SLC35F3: variants seen among roughly 807,000 people sequenced by gnomAD.
SLC35F3 encodes the protein solute carrier family 35 member F3.
Under a neutral mutation model 49.9 loss-of-function variants are expected in SLC35F3, and 25 were observed. The observed-to-expected ratio is 0.50, with a 90% CI of 0.37 to 0.70. SLC35F3 has a LOEUF of 0.70. Ranked by LOEUF, SLC35F3 falls within the 30% of genes least tolerant of loss-of-function variation. SLC35F3 has a pLI of 0.00. For synonymous variants in SLC35F3, 275 were observed against 265.4 expected, an observed-to-expected ratio of 1.04 and a Z score of -0.35; for missense variants, 525 against 639.8, an observed-to-expected ratio of 0.82 and a Z score of 1.94.
intron 2 of SLC35F3, among the ~76,000 whole-genome samples, chr1:234,203,031 AC>A (rs1396225685): frequency 1.3e-5 from 2 of 152,148 alleles, no homozygotes; most frequent in Non-Finnish European, 2.9e-5. Context: ...GTTGCAGAAA[AC>A]CAATACTGTC....
chr1:234,300,630 T>C (rs1485640148), intron 3 of SLC35F3, among the ~76,000 whole-genome samples: 2 of 152,202 alleles, frequency 1.3e-5, no homozygotes, highest in East Asian at 3.9e-4. Context: ...CTGTACACTA[T>C]GATGAGGAAG....
intron 2 of SLC35F3, among the ~76,000 whole-genome samples, chr1:234,055,373 A>G (rs1444322292): frequency 6.6e-6 from 1 of 152,224 alleles, no homozygotes; most frequent in East Asian, 1.9e-4. Flanking sequence ...CCCCTCTCCC[A>G]GACTTGCTGC....
At chr1:233,938,323 T>C (rs769982150) in intron 2 of SLC35F3, among the ~76,000 whole-genome samples, 4 of 152,134 alleles carry the variant, frequency 2.6e-5, no homozygotes, top group Non-Finnish European at 5.9e-5. Flanking sequence ...TGGCTTAAGA[T>C]TTACAGGAAT....
intron 3 of SLC35F3, among the ~76,000 whole-genome samples, chr1:234,236,925 TTATATATATATATATATATATATATATA>T (rs55846915): frequency 4.2e-5 from 4 of 96,294 alleles, no homozygotes; most frequent in South Asian, 3.4e-4. Flanking sequence ...AAAAAAAAAA[TTATATATATATATATATATATATATATA>T]TATATATATA....
At chr1:234,123,477 A>T (rs1327526023) in intron 2 of SLC35F3, among the ~76,000 whole-genome samples, 1 of 152,176 alleles carries the variant, frequency 6.6e-6, no homozygotes, top group African/African-American at 2.4e-5. Flanking sequence ...TGGTGTAATC[A>T]TAGCTCACTG....
intron 2 of SLC35F3, among the ~76,000 whole-genome samples, chr1:233,976,908 G>A (rs572776243): frequency 1.7e-4 from 26 of 152,288 alleles, no homozygotes; most frequent in African/African-American, 6.3e-4. Context: ...ACCATGCCCG[G>A]CTGGTACTCA....
intron 2 of SLC35F3, among the ~76,000 whole-genome samples, chr1:234,116,168 C>T (rs147703092): frequency 1.6e-4 from 24 of 152,292 alleles, no homozygotes; most frequent in African/African-American, 5.8e-4. Context: ...AAAGTAGCTA[C>T]CTGTGGAGAC....
chr1:233,985,171 C>T (rs1663247409), intron 2 of SLC35F3, among the ~76,000 whole-genome samples: 1 of 152,100 alleles, frequency 6.6e-6, no homozygotes, highest in African/African-American at 2.4e-5. Context: ...AGTTTCTTTC[C>T]TAGAAAATCA....
In SLC35F3 at chr1:233,904,960, G is replaced by C; in HGVS notation, c.-118G>C. 8.3e-7 allele frequency: 1 copy of C among 1,197,838 alleles called. No homozygotes were observed. Among genetic ancestry groups the C allele is most frequent in the Admixed American group, 2.5e-5 (1 of 40,316 alleles). 74.2% of individuals were successfully genotyped at this position (1,197,838 alleles called of 1,614,324 possible). On this transcript the variant is annotated 5_prime_UTR_variant, in exon 1 of 8. Transcript: ENST00000366618. The stretch of plus-strand genomic sequence containing the variant: ...AGCGGCCCGGGGCGGCCGGCGCGGC[G>C]CAGACCCTCGGTGGGCAGCGCACTC...
At chr1:234,271,297 C>A (rs1022121866) in intron 3 of SLC35F3, among the ~76,000 whole-genome samples, 1 of 151,988 alleles carries the variant, frequency 6.6e-6, no homozygotes, top group African/African-American at 2.4e-5. Context: ...AAGAACTGAG[C>A]AAAAAACACA....
intron 2 of SLC35F3, among the ~76,000 whole-genome samples, chr1:234,203,067 C>T (rs1213805733): frequency 1.3e-5 from 2 of 152,114 alleles, no homozygotes; most frequent in East Asian, 1.9e-4. Flanking sequence ...TCACCTTCTC[C>T]TTTCTCCATG....
chr1:233,987,580 G>A (rs550172576), intron 2 of SLC35F3, among the ~76,000 whole-genome samples: 15 of 151,916 alleles, frequency 9.9e-5, no homozygotes, highest in African/African-American at 2.4e-4. Context: ...GTATTTTGAC[G>A]TCTTACAATA....
At chr1:233,968,273 A>C (rs931642318) in intron 2 of SLC35F3, among the ~76,000 whole-genome samples, 1 of 152,132 alleles carries the variant, frequency 6.6e-6, no homozygotes, top group Non-Finnish European at 1.5e-5. Flanking sequence ...AAGGACACAA[A>C]TCATTTTGGA....
At chr1:233,963,639 C>A (rs1176272694) in intron 2 of SLC35F3, among the ~76,000 whole-genome samples, 1 of 152,174 alleles carries the variant, frequency 6.6e-6, no homozygotes, top group Non-Finnish European at 1.5e-5. Context: ...TGGCGCAGGT[C>A]AGTTCCGTAA....
intron 2 of SLC35F3, among the ~76,000 whole-genome samples, chr1:234,057,486 A>C (rs1393812603): frequency 6.6e-6 from 1 of 152,092 alleles, no homozygotes; most frequent in Non-Finnish European, 1.5e-5. Flanking sequence ...AATGCAATTG[A>C]TTTTTTATCC....
chr1:234,145,433 T>C (rs1665982141), intron 2 of SLC35F3, among the ~76,000 whole-genome samples: 2 of 152,106 alleles, frequency 1.3e-5, no homozygotes, highest in Admixed American at 1.3e-4. Context: ...AATATCCATC[T>C]TCAGTTAGGA....
At chr1:234,232,519 CAAAA>C (rs536692686) in intron 3 of SLC35F3, among the ~76,000 whole-genome samples, 229 of 72,362 alleles carry the variant, frequency 3.2e-3, no homozygotes, top group Middle Eastern at 9.3e-3. Context: ...CAGGCCTAGT[CAAAA>C]AAAAAAAAAA....
At chr1:233,965,474 A>C (rs1342101994) in intron 2 of SLC35F3, among the ~76,000 whole-genome samples, 2 of 152,098 alleles carry the variant, frequency 1.3e-5, no homozygotes, top group South Asian at 2.1e-4. Flanking sequence ...CTATTATGTA[A>C]GGTTTTGTTT....
At chr1:234,184,082 T>C (rs1248965512) in intron 2 of SLC35F3, among the ~76,000 whole-genome samples, 4 of 152,096 alleles carry the variant, frequency 2.6e-5, no homozygotes, top group South Asian at 2.1e-4. Context: ...TATAGCTGTT[T>C]TAAGGATATT....
Sources: gnomAD v4.1 joint callset for allele counts (sites outside exome capture counted in the v4.1 genomes callset) on GRCh38, gnomAD v4.1.1 for gene constraint, MANE v1.5 for transcripts, NCBI Gene and HGNC (gene_info 2026-07-23, HGNC 2026-07-21) for gene names.